The following SH2D6 variants were observed in gnomAD, a reference collection of about 807,000 sequenced individuals.
SH2D6 encodes the protein SH2 domain-containing protein 6.
Under a neutral mutation model 30.2 loss-of-function variants are expected in SH2D6, and 31 were observed. The observed-to-expected ratio is 1.03, with a 90% CI of 0.77 to 1.38. The LOEUF (loss-of-function observed/expected upper bound fraction) is 1.38, where lower values mean the gene tolerates loss of function less well. Among genes scored for constraint, SH2D6 ranks in the 40% most tolerant of loss-of-function variants. The pLI is 0.00. For synonymous variants in SH2D6, 93 were observed against 104.6 expected (o/e 0.89, Z 0.68); for missense variants, 240 against 266.8 (o/e 0.90, Z 0.70).
At chr2:85,435,566 T>TGG in intron 21 of SH2D6, 70 bp downstream of exon 21, 1 of 1,592,388 alleles carries the variant, frequency 6.3e-7, no homozygotes, top group South Asian at 1.1e-5. Context: ...GGCCGAGCAG[T>TGG]GGGGAGCAGG....
At chr2:85,419,509 T>G (rs1687668780) in intron 2 of SH2D6, among the ~76,000 whole-genome samples, 1 of 152,194 alleles carries the variant, frequency 6.6e-6, no homozygotes, top group Non-Finnish European at 1.5e-5. Context: ...CAGGGCAGCC[T>G]CTTTCCAGAG....
chr2:85,421,230 G>A (rs892237298), intron 2 of SH2D6, among the ~76,000 whole-genome samples: 4 of 152,238 alleles, frequency 2.6e-5, no homozygotes, highest in Non-Finnish European at 4.4e-5. Context: ...GGCAAATTGA[G>A]GAAAGGACCC....
rs1207370533 is a variant in SH2D6 at position 85,436,554 on chromosome 2, C to G, written c.980C>G (p.Thr327Ser). Residue 327 changes from threonine (T) to serine (S), a missense_variant, in exon 23 of 24, where the codon ACC becomes AGC. By Grantham distance (58) the Thr-to-Ser change is moderately conservative. Coordinates refer to ENST00000469800, the MANE Select transcript of SH2D6 (RefSeq NM_001394463.1). ...AGACACAGCGGCAGCCGGGAACTCACCTGCCTGCTCTTCCCCACCAAGCCT... is the reference window on the plus strand; with the variant it reads ...AGACACAGCGGCAGCCGGGAACTCAGCTGCCTGCTCTTCCCCACCAAGCCT... ...VDRHSGSREL[T>S]CLLFPTKP 1 of 1,613,748 alleles carries G rather than the reference C, an allele frequency of 6.2e-7. No individual in the cohort carries two copies. The highest frequency in any genetic ancestry group is 8.5e-7 in the Non-Finnish European group (1 of 1,179,970).
chr2:85,427,722 A>G (rs1688169297), intron 6 of SH2D6, among the ~76,000 whole-genome samples: 1 of 152,284 alleles, frequency 6.6e-6, no homozygotes, highest in African/African-American at 2.4e-5. Context: ...AGTGGAGGAC[A>G]AAGAATAGAC....
At position 85,428,678 on chromosome 2, in the gene SH2D6, A is replaced by C. The variant is rs1285207846; in HGVS notation, c.-114A>C. 6.6e-6 allele frequency: 1 copy of C among 152,242 alleles called. No individual in the cohort carries two copies. Among genetic ancestry groups the C allele is most frequent in the African/African-American group, 2.4e-5 (1 of 41,456 alleles). The allele number at this position is 152,242 out of a possible 1,614,324, so 9.4% of individuals were successfully genotyped here. A position where few individuals can be genotyped will look rare whatever the true frequency, so the allele number is the denominator to read the frequency against. The stretch of plus-strand genomic sequence containing the variant: ...CCAACCTTTATGGCACCTTGATCTT[A>C]GACTTCTAGCTCCAGAACAGTGAGA... On this transcript the variant is annotated 5_prime_UTR_variant, in exon 7 of 24. Transcript: ENST00000469800.
chr2:85,425,636 TA>T (rs1687980381), intron 6 of SH2D6, among the ~76,000 whole-genome samples: 1 of 152,178 alleles, frequency 6.6e-6, no homozygotes, highest in Admixed American at 6.5e-5. Context: ...AATAAATTAT[TA>T]AAACTATTCT....
chr2:85,434,787 C>T (rs1364548388), intron 19 of SH2D6: 8 of 1,456,344 alleles, frequency 5.5e-6, no homozygotes, highest in Admixed American at 2.8e-5. Context: ...CCTGAGGGGA[C>T]CCTCTTGGGC....
At chr2:85,426,763 C>A (rs575281517) in intron 6 of SH2D6, among the ~76,000 whole-genome samples, 5 of 152,348 alleles carry the variant, frequency 3.3e-5, no homozygotes, top group African/African-American at 1.2e-4. Flanking sequence ...GCTGCTCCAG[C>A]AAATTAATCA....
At chr2:85,422,970 C>T (rs927578719) in intron 5 of SH2D6, among the ~76,000 whole-genome samples, 1 of 149,610 alleles carries the variant, frequency 6.7e-6, no homozygotes, top group Non-Finnish European at 1.5e-5. Flanking sequence ...TCACTGCAAC[C>T]TGCACCTCCT....
intron 22 of SH2D6, among the ~76,000 whole-genome samples, chr2:85,436,153 G>A (rs1331579900): frequency 6.6e-6 from 1 of 152,196 alleles, no homozygotes; most frequent in Non-Finnish European, 1.5e-5. Context: ...TTGCTAGGAT[G>A]CAAACTAGAG....
chr2:85,434,762 C>T, intron 19 of SH2D6: 1 of 1,451,536 alleles, frequency 6.9e-7, no homozygotes, highest in South Asian at 1.5e-5. Flanking sequence ...AGCTCTGACT[C>T]CAGCTGAGAT....
rs1400959328 is a variant in SH2D6 at position 85,431,886 on chromosome 2, A to G, written c.310-13A>G. ...CTCACCATCTGCGCTCACCAGCCCC[A>G]CTGTGCCCACAGCTGAAGGGAGCAG... On this transcript the variant is annotated splice_polypyrimidine_tract_variant and intron_variant, in intron 13 of 23. Transcript: ENST00000469800. 1 of 152,574 alleles carries G rather than the reference A, an allele frequency of 6.6e-6. No homozygotes were observed. Among genetic ancestry groups the G allele is most frequent in the Non-Finnish European group, 1.5e-5 (1 of 68,060 alleles). 9.5% of individuals were successfully genotyped at this position (152,574 alleles called of 1,614,324 possible). A position where few individuals can be genotyped will look rare whatever the true frequency, so the allele number is the denominator to read the frequency against.
chr2:85,434,955 C>T, intron 19 of SH2D6, 110 bp from the exon 20 acceptor site: 1 of 1,597,806 alleles, frequency 6.3e-7, no homozygotes, highest in Non-Finnish European at 8.5e-7. Flanking sequence ...GGCTCGGGGC[C>T]ATGTACGCCT....
intron 2 of SH2D6, among the ~76,000 whole-genome samples, chr2:85,420,123 G>A (rs1383736882): frequency 6.6e-6 from 1 of 150,744 alleles, no homozygotes; most frequent in African/African-American, 2.4e-5. Context: ...TTTGTTTCCT[G>A]AGACAGAGTC....
rs370798648 is a variant in SH2D6, at chr2:85,432,646, T to C, written c.371-453T>C. Among the ~76,000 whole-genome samples, 359 of 151,948 alleles carry C rather than the reference T, an allele frequency of 2.4e-3. 1 individual carries two copies. The highest frequency in any genetic ancestry group is 7.9e-3 in the African/African-American group (329 of 41,458). ...CGATCTCCTGACCTCGTGATCCGCC[T>C]GCCTCGGCCTCCCAAAGTGCTGGGA... On this transcript the variant is annotated intron_variant, in intron 14 of 23. Coordinates refer to ENST00000469800, the MANE Select transcript of SH2D6 (RefSeq NM_001394463.1).
intron 6 of SH2D6, among the ~76,000 whole-genome samples, chr2:85,426,798 C>A (rs1176364618): frequency 1.3e-5 from 2 of 152,232 alleles, no homozygotes; most frequent in African/African-American, 2.4e-5. Context: ...GTTGTGGGAA[C>A]CCCAGCTTGA....
rs114064150 is a variant in SH2D6 at position 85,433,130 on chromosome 2, C to T, written c.393+9C>T. On this transcript the variant is annotated intron_variant, in intron 15 of 23. Coordinates refer to ENST00000469800, the MANE Select transcript of SH2D6 (RefSeq NM_001394463.1). ...GTGCATCGTCCAGAGTGGTGAGCAG[C>T]CCCTCCATTTCCACCTCAGTTTCCA... The T allele has an allele frequency of 1.6e-3, 1,591 of 985,944 alleles. 13 individuals carry two copies. The African/African-American group carries it at 0.026, about 16-fold the overall frequency. 61.1% of individuals were successfully genotyped at this position (985,944 alleles called of 1,614,324 possible). A position where few individuals can be genotyped will look rare whatever the true frequency, so the allele number is the denominator to read the frequency against.
chr2:85,420,217 G>A (rs1687697852), intron 2 of SH2D6, among the ~76,000 whole-genome samples: 1 of 152,130 alleles, frequency 6.6e-6, no homozygotes, highest in African/African-American at 2.4e-5. Context: ...CGGTTCTCCT[G>A]CCTCAGCCTG....
At chr2:85,434,245 G>T in intron 17 of SH2D6, 95 bp from the exon 18 acceptor site, 1 of 1,511,928 alleles carries the variant, frequency 6.6e-7, no homozygotes, top group East Asian at 2.5e-5. Context: ...TGTTGGCAGT[G>T]GTGGCAGGGG....
Sources: allele counts gnomAD v4.1 joint callset (sites outside exome capture counted in the v4.1 genomes callset), GRCh38; gene constraint gnomAD v4.1.1; transcripts MANE v1.5; gene names NCBI Gene and HGNC (gene_info 2026-07-23, HGNC 2026-07-21).